ST6GALNAC3: variants seen among roughly 807,000 people sequenced by gnomAD.
The protein encoded by ST6GALNAC3 is alpha-N-acetylgalactosaminide alpha-2,6-sialyltransferase 3.
Under a neutral mutation model 32.7 loss-of-function variants are expected in ST6GALNAC3, and 25 were observed. The ratio of observed to expected loss-of-function variants is 0.76; its 90% confidence interval spans 0.56 to 1.07. ST6GALNAC3 has a LOEUF of 1.07. ST6GALNAC3 is among the 50% of genes least tolerant of loss of function. The probability of loss-of-function intolerance (pLI) is 0.00; values close to 1 mark genes in which losing one functional copy is unlikely to be tolerated. For synonymous variants in ST6GALNAC3, 129 were observed against 133.1 expected (o/e 0.97, Z 0.21); for missense variants, 355 against 382.4 (o/e 0.93, Z 0.60).
At chr1:76,466,099 A>C (rs1299940347) in intron 3 of ST6GALNAC3, among the ~76,000 whole-genome samples, 1 of 152,096 alleles carries the variant, frequency 6.6e-6, no homozygotes, top group African/African-American at 2.4e-5. Context: ...CATTTCTCCC[A>C]GTCATGGTTT....
At chr1:76,300,818 A>T (rs1447960201) in intron 1 of ST6GALNAC3, among the ~76,000 whole-genome samples, 1 of 152,006 alleles carries the variant, frequency 6.6e-6, no homozygotes, top group Non-Finnish European at 1.5e-5. Flanking sequence ...AGTGTGCTTC[A>T]GTCAGAACAA....
chr1:76,115,925 G>T (rs896664116), intron 1 of ST6GALNAC3, among the ~76,000 whole-genome samples: 1 of 152,170 alleles, frequency 6.6e-6, no homozygotes, highest in Non-Finnish European at 1.5e-5. Context: ...TATATTTTGA[G>T]CATTTACTGT....
intron 1 of ST6GALNAC3, among the ~76,000 whole-genome samples, chr1:76,242,608 C>T (rs1657032699): frequency 6.6e-6 from 1 of 152,104 alleles, no homozygotes; most frequent in Non-Finnish European, 1.5e-5. Context: ...CTCCCCTTTC[C>T]CCTCACCCTG....
At chr1:76,331,037 G>T (rs925675230) in intron 2 of ST6GALNAC3, among the ~76,000 whole-genome samples, 1 of 152,176 alleles carries the variant, frequency 6.6e-6, no homozygotes, top group African/African-American at 2.4e-5. Flanking sequence ...GAGCATAGAG[G>T]AAGGTAAAAA....
At chr1:76,204,262 T>C (rs541675) in intron 1 of ST6GALNAC3, among the ~76,000 whole-genome samples, 125,599 of 152,218 alleles carry the variant, frequency 0.83, 52,471 homozygotes, top group East Asian at 1. Context: ...TATATATATA[T>C]CACACTTTCT....
intron 2 of ST6GALNAC3, among the ~76,000 whole-genome samples, chr1:76,393,337 T>A (rs1169402895): frequency 2.0e-5 from 3 of 152,158 alleles, no homozygotes. Context: ...TCATGATTCT[T>A]ATGGAAGGTT....
chr1:76,192,129 C>T (rs1345466382), intron 1 of ST6GALNAC3, among the ~76,000 whole-genome samples: 2 of 152,108 alleles, frequency 1.3e-5, no homozygotes, highest in Non-Finnish European at 2.9e-5. Context: ...TAAATTCCAG[C>T]CCTGAACATC....
At chr1:76,262,165 G>A (rs61192683) in intron 1 of ST6GALNAC3, among the ~76,000 whole-genome samples, 1 of 152,276 alleles carries the variant, frequency 6.6e-6, no homozygotes, top group South Asian at 2.1e-4. Flanking sequence ...TGCTCAGCAC[G>A]CTTTACCAAT....
At chr1:76,379,909 T>C (rs1278154451) in intron 2 of ST6GALNAC3, among the ~76,000 whole-genome samples, 2 of 152,060 alleles carry the variant, frequency 1.3e-5, no homozygotes, top group East Asian at 3.9e-4. Flanking sequence ...AGGAGGACCA[T>C]AGAGCAGCAG....
At chr1:76,465,253 T>G (rs1658549317) in intron 3 of ST6GALNAC3, among the ~76,000 whole-genome samples, 1 of 152,214 alleles carries the variant, frequency 6.6e-6, no homozygotes. Flanking sequence ...TTTGAACTTG[T>G]GTCCTTGGAG....
chr1:76,369,462 A>G (rs1650645622), intron 2 of ST6GALNAC3, among the ~76,000 whole-genome samples: 1 of 152,280 alleles, frequency 6.6e-6, no homozygotes, highest in South Asian at 2.1e-4. Flanking sequence ...CCTTGTGGTG[A>G]TTCTATTGCA....
chr1:76,133,911 A>G (rs992859690), intron 1 of ST6GALNAC3, among the ~76,000 whole-genome samples: 4 of 152,156 alleles, frequency 2.6e-5, no homozygotes, highest in African/African-American at 7.2e-5. Context: ...CCGATAACCA[A>G]TGCAGGGTGA....
At chr1:76,376,365 T>C (rs1651229809) in intron 2 of ST6GALNAC3, among the ~76,000 whole-genome samples, 1 of 152,202 alleles carries the variant, frequency 6.6e-6, no homozygotes, top group South Asian at 2.1e-4. Context: ...TTTTATCACA[T>C]GTGTAAGTTA....
At position 76,121,964 on chromosome 1, in the gene ST6GALNAC3, C is replaced by A. The variant is rs1163326880; in HGVS notation, c.18+47080C>A. 2.0e-5 allele frequency among the ~76,000 whole-genome samples: 3 copies of A among 152,194 alleles called. No homozygotes were observed. The East Asian group carries it at 5.8e-4, about 29-fold the overall frequency. On this transcript the variant is annotated intron_variant, in intron 1 of 4. Transcript: ENST00000328299. ...CCTGGAATGTTCTTCCCTTAGACAT[C>A]TGCATGGCTCCCTCCCTCCCTTCTT...
At chr1:76,508,306 G>A (rs1331258125) in intron 3 of ST6GALNAC3, among the ~76,000 whole-genome samples, 2 of 152,140 alleles carry the variant, frequency 1.3e-5, no homozygotes, top group Non-Finnish European at 2.9e-5. Flanking sequence ...AACTCAGGCA[G>A]TAATGCTCGC....
At chr1:76,491,525 C>T (rs1307757240) in intron 3 of ST6GALNAC3, among the ~76,000 whole-genome samples, 1 of 152,130 alleles carries the variant, frequency 6.6e-6, no homozygotes, top group African/African-American at 2.4e-5. Context: ...CTCAAAGGCC[C>T]CATTGAGCAG....
At chr1:76,483,442 T>C (rs1004410169) in intron 3 of ST6GALNAC3, among the ~76,000 whole-genome samples, 18 of 152,202 alleles carry the variant, frequency 1.2e-4, no homozygotes, top group African/African-American at 4.1e-4. Flanking sequence ...TGGTATCTCA[T>C]TGTGGCTTTG....
chr1:76,161,947 G>T (rs919660421), intron 1 of ST6GALNAC3, among the ~76,000 whole-genome samples: 1 of 152,150 alleles, frequency 6.6e-6, no homozygotes, highest in African/African-American at 2.4e-5. Context: ...TGAAGATCAG[G>T]GTTGGTCATA....
chr1:76,316,298 G>A (rs562612299), intron 2 of ST6GALNAC3, among the ~76,000 whole-genome samples: 1 of 152,194 alleles, frequency 6.6e-6, no homozygotes, highest in South Asian at 2.1e-4. Flanking sequence ...TACACTAGAG[G>A]TGCTCATGAA....
Sources: allele counts gnomAD v4.1 joint callset (sites outside exome capture counted in the v4.1 genomes callset), GRCh38; gene constraint gnomAD v4.1.1; transcripts MANE v1.5; gene names NCBI Gene and HGNC (gene_info 2026-07-23, HGNC 2026-07-21).